Variants in BMPR1B observed in about 807,000 individuals in gnomAD.
The protein encoded by BMPR1B is bone morphogenetic protein receptor type 1B, also known as bone morphogenetic protein receptor type-1B.
A neutral mutation model predicts 59.1 loss-of-function variants in BMPR1B; 12 were observed. That is an observed-to-expected ratio of 0.20 (90% CI 0.13 to 0.33). The LOEUF (loss-of-function observed/expected upper bound fraction) is 0.33. BMPR1B is among the 10% of genes least tolerant of loss of function. The pLI is 1.00. For synonymous variants in BMPR1B, 237 were observed against 207.3 expected (o/e 1.14, Z -1.23); for missense variants, 550 against 610.9 (o/e 0.90, Z 1.05).
At chr4:95,142,375 G>C (rs1734295622) in intron 10 of BMPR1B, among the ~76,000 whole-genome samples, 1 of 152,080 alleles carries the variant, frequency 6.6e-6, no homozygotes, top group Admixed American at 6.5e-5. Flanking sequence ...TATGTAATGG[G>C]TAGTTAATTT....
chr4:95,138,854 A>G (rs1390508277), intron 10 of BMPR1B, among the ~76,000 whole-genome samples: 1 of 152,144 alleles, frequency 6.6e-6, no homozygotes, highest in Non-Finnish European at 1.5e-5. Context: ...GAGTTTGGCC[A>G]TCCTCCTTTA....
At chr4:95,065,910 G>T (rs1185262583) in intron 3 of BMPR1B, among the ~76,000 whole-genome samples, 1 of 152,112 alleles carries the variant, frequency 6.6e-6, no homozygotes. Flanking sequence ...TAACTGATGA[G>T]AAAAACTATA....
chr4:94,918,166 T>C (rs971300562), intron 2 of BMPR1B, among the ~76,000 whole-genome samples: 13 of 152,162 alleles, frequency 8.5e-5, no homozygotes, highest in South Asian at 6.2e-4. Flanking sequence ...TATTTCTTTA[T>C]AGCAAGAAAT....
At chr4:95,026,616 A>G (rs1724431796) in intron 3 of BMPR1B, among the ~76,000 whole-genome samples, 1 of 152,112 alleles carries the variant, frequency 6.6e-6, no homozygotes, top group African/African-American at 2.4e-5. Context: ...TTTCTAAAAT[A>G]TAGGTAAGGG....
At position 95,155,123 on chromosome 4, in the gene BMPR1B, T is replaced by C; in HGVS notation, c.*450T>C. The C allele has an allele frequency of 5.4e-6, 1 of 183,646 alleles. No homozygotes were observed. The highest frequency in any genetic ancestry group is 1.2e-5 in the Non-Finnish European group (1 of 86,720). 11.4% of individuals were successfully genotyped at this position (183,646 alleles called of 1,614,324 possible). On this transcript the variant is annotated 3_prime_UTR_variant, in exon 13 of 13. Transcript: ENST00000515059. ...TACTTGTTTTTCCATTGGTAAAATA[T>C]TGTTGCACTCTGTGAACCAAAAGAC... is the stretch of plus-strand genomic sequence containing the variant.
chr4:95,119,078 T>G (rs1199535417), intron 6 of BMPR1B, among the ~76,000 whole-genome samples: 1 of 152,132 alleles, frequency 6.6e-6, no homozygotes, highest in African/African-American at 2.4e-5. Flanking sequence ...AAGCTTGGAG[T>G]CTTAGTAAAA....
At chr4:94,841,540 C>T (rs948794512) in intron 1 of BMPR1B, among the ~76,000 whole-genome samples, 4 of 152,134 alleles carry the variant, frequency 2.6e-5, no homozygotes, top group South Asian at 2.1e-4. Context: ...TGCCATCCGT[C>T]ACCCCTTTCT....
At chr4:94,779,702 C>T (rs183554424) in intron 1 of BMPR1B, among the ~76,000 whole-genome samples, 11 of 152,030 alleles carry the variant, frequency 7.2e-5, no homozygotes, top group Non-Finnish European at 8.8e-5. Context: ...TGTGGTGGCA[C>T]GTGCCTGTAG....
intron 2 of BMPR1B, among the ~76,000 whole-genome samples, chr4:94,888,397 A>G (rs1727263407): frequency 1.3e-5 from 2 of 151,886 alleles, no homozygotes; most frequent in Admixed American, 1.3e-4. Context: ...GAAAATAGAA[A>G]AAGATCTTTG....
chr4:95,157,638 A>T lies in BMPR1B; in HGVS notation c.*2965A>T, dbSNP rs1735513539. On this transcript the variant is annotated 3_prime_UTR_variant, in exon 13 of 13. Coordinates refer to ENST00000515059, the MANE Select transcript of BMPR1B (RefSeq NM_001203.3). ...TGTGTATATATATAAATATATATGTATATATAAATATTATGTTCAGTTTGG... is the reference window on the plus strand; with the variant it reads ...TGTGTATATATATAAATATATATGTTTATATAAATATTATGTTCAGTTTGG... 6.6e-6 allele frequency: 1 copy of T among 151,254 alleles called. No individual in the cohort carries two copies. The highest frequency in any genetic ancestry group is 1.5e-5 in the Non-Finnish European group (1 of 67,824). 9.4% of individuals were successfully genotyped at this position (151,254 alleles called of 1,614,324 possible).
chr4:95,154,740 A>G lies in BMPR1B; in HGVS notation c.*67A>G, dbSNP rs1314997192. ...TACTCTTCTGTTTGTGGGCAGAGCA[A>G]AAGACATCAAATAAGCATCCACAGT... On this transcript the variant is annotated 3_prime_UTR_variant, in exon 13 of 13. Transcript: ENST00000515059. 21 of 1,593,852 alleles carry G rather than the reference A, an allele frequency of 1.3e-5. No homozygotes were observed. The highest frequency in any genetic ancestry group is 1.4e-5 in the Non-Finnish European group (16 of 1,162,936).
chr4:94,884,005 A>G (rs988426776), intron 2 of BMPR1B, among the ~76,000 whole-genome samples: 55 of 152,224 alleles, frequency 3.6e-4, no homozygotes, highest in Admixed American at 2.6e-3. Flanking sequence ...CAAGGGCACT[A>G]TCATCTTTTG....
At chr4:94,790,013 C>T (rs1432855706) in intron 1 of BMPR1B, among the ~76,000 whole-genome samples, 1 of 152,164 alleles carries the variant, frequency 6.6e-6, no homozygotes, top group Non-Finnish European at 1.5e-5. Flanking sequence ...AATATATTTT[C>T]TCTTCCTTAC....
At chr4:94,951,233 C>T (rs969502604) in intron 2 of BMPR1B, among the ~76,000 whole-genome samples, 3 of 152,182 alleles carry the variant, frequency 2.0e-5, no homozygotes, top group Non-Finnish European at 4.4e-5. Context: ...GATAAATTGC[C>T]TTCCTCTCTT....
chr4:94,847,949 G>A (rs1725405445), intron 1 of BMPR1B, among the ~76,000 whole-genome samples: 1 of 152,058 alleles, frequency 6.6e-6, no homozygotes, highest in Non-Finnish European at 1.5e-5. Flanking sequence ...ACGAAGAAAT[G>A]ATAAATGCTT....
At chr4:94,980,933 T>C (rs999379335) in intron 2 of BMPR1B, among the ~76,000 whole-genome samples, 5 of 151,980 alleles carry the variant, frequency 3.3e-5, no homozygotes, top group Non-Finnish European at 7.4e-5. Flanking sequence ...AGGCAGAGGT[T>C]GCAGTGAGCC....
intron 2 of BMPR1B, among the ~76,000 whole-genome samples, chr4:94,922,232 C>T (rs771355946): frequency 1.3e-5 from 2 of 152,142 alleles, no homozygotes; most frequent in Non-Finnish European, 2.9e-5. Context: ...ACCTTGGCCT[C>T]CCAAAATGCT....
intron 12 of BMPR1B, among the ~76,000 whole-genome samples, chr4:95,154,243 T>C (rs1270995439): frequency 6.6e-6 from 1 of 152,228 alleles, no homozygotes; most frequent in Non-Finnish European, 1.5e-5. Context: ...ATAAACAATC[T>C]GGGAGTATTG....
chr4:95,043,463 A>T (rs912775439), intron 3 of BMPR1B, among the ~76,000 whole-genome samples: 2 of 152,118 alleles, frequency 1.3e-5, no homozygotes, highest in African/African-American at 4.8e-5. Context: ...TTTAATGTTC[A>T]TTGCCTTGTT....
Sources: allele counts gnomAD v4.1 joint callset (sites outside exome capture counted in the v4.1 genomes callset), GRCh38; gene constraint gnomAD v4.1.1; transcripts MANE v1.5; gene names NCBI Gene and HGNC (gene_info 2026-07-23, HGNC 2026-07-21).